The following GAS2 variants were observed in gnomAD, a reference collection of about 807,000 sequenced individuals.
GAS2 encodes growth arrest specific 2.
A neutral mutation model predicts 37.5 loss-of-function variants in GAS2; 20 were observed. The observed-to-expected ratio is 0.53, with a 90% confidence interval of 0.37 to 0.77. The LOEUF (loss-of-function observed/expected upper bound fraction) is 0.77, where lower values mean the gene tolerates loss of function less well. Among genes scored for constraint, GAS2 ranks in the 30% least tolerant of loss-of-function variants. GAS2 has a pLI of 0.00. For missense variants in GAS2, 336 were observed against 373.4 expected, an observed-to-expected ratio of 0.90 and a Z score of 0.82; for synonymous variants, 144 against 132.2, an observed-to-expected ratio of 1.09 and a Z score of -0.61.
chr11:22,772,057 G>A lies in GAS2; in HGVS notation c.723+16104G>A, dbSNP rs919634144. 5.9e-5 allele frequency among the ~76,000 whole-genome samples: 9 copies of A among 152,212 alleles called. No individual in the cohort carries two copies. In the South Asian group the frequency reaches 1.5e-3, roughly 25 times the overall value. On this transcript the variant is annotated intron_variant, in intron 7 of 7. Transcript: ENST00000454584. ...TACTTCTAAAATTCCTTCAACAGAC[G>A]TGCAAATGTGTCATACAAGATACAA...
At chr11:22,690,963 G>C (rs568802643) in intron 3 of GAS2, among the ~76,000 whole-genome samples, 58 of 152,240 alleles carry the variant, frequency 3.8e-4, no homozygotes, top group African/African-American at 1.4e-3. Flanking sequence ...CATTCAAAAG[G>C]TTTAACCTCT....
At chr11:22,735,322 T>G (rs1348544780) in intron 4 of GAS2, among the ~76,000 whole-genome samples, 1 of 151,426 alleles carries the variant, frequency 6.6e-6, no homozygotes, top group Non-Finnish European at 1.5e-5. Context: ...AGATGTGCTT[T>G]AAAAGCAATT....
At chr11:22,755,292 G>A (rs1853964544) in intron 6 of GAS2, among the ~76,000 whole-genome samples, 1 of 151,694 alleles carries the variant, frequency 6.6e-6, no homozygotes, top group African/African-American at 2.4e-5. Context: ...TGAGTTGCAG[G>A]GTAAATCTGA....
chr11:22,626,137 G>C (rs561044208), intron 1 of GAS2: 84 of 395,596 alleles, frequency 2.1e-4, no homozygotes, highest in African/African-American at 1.6e-3. Context: ...TCCTTAAGTA[G>C]AAATTTTCTG....
intron 1 of GAS2, among the ~76,000 whole-genome samples, chr11:22,633,895 T>C (rs1396238960): frequency 6.6e-6 from 1 of 152,200 alleles, no homozygotes; most frequent in Non-Finnish European, 1.5e-5. Flanking sequence ...GCACTCCTCC[T>C]GTGGGGATGC....
At chr11:22,761,350 C>CAG (rs1854383695) in intron 7 of GAS2, among the ~76,000 whole-genome samples, 1 of 152,118 alleles carries the variant, frequency 6.6e-6, no homozygotes, top group Non-Finnish European at 1.5e-5. Flanking sequence ...GTGAATAGAA[C>CAG]ATCTATGTGA....
Position 22,749,127 on chromosome 11 carries a change from G to A in GAS2, c.481G>A (p.Val161Met). ...ELGRIAARYG[V>M]EPPGLIKLEK... ...TCCAGGGTCTTTTTAAAGGTATGGT[G>A]TGGAGCCTCCTGGTTTGATAAAGCT... Residue 161 changes from valine (V) to methionine (M), a missense_variant, in exon 6 of 8, where the codon GTG (valine) becomes ATG (methionine). Physicochemically the swap from Val to Met is conservative, Grantham distance 21. Coordinates refer to ENST00000454584, the MANE Select transcript of GAS2 (RefSeq NM_001143830.3). 1.2e-6 allele frequency: 2 copies of A among 1,611,826 alleles called. No homozygotes were observed. The highest frequency in any genetic ancestry group is 1.7e-6 in the Non-Finnish European group (2 of 1,178,786).
chr11:22,646,398 C>G (rs1326754621), intron 1 of GAS2, among the ~76,000 whole-genome samples: 4 of 152,126 alleles, frequency 2.6e-5, no homozygotes, highest in African/African-American at 9.7e-5. Flanking sequence ...GCCAAATTTT[C>G]CCTTTTTATG....
At chr11:22,763,018 C>T (rs928156094) in intron 7 of GAS2, among the ~76,000 whole-genome samples, 2 of 152,082 alleles carry the variant, frequency 1.3e-5, no homozygotes, top group African/African-American at 4.8e-5. Flanking sequence ...ACTGATGCTC[C>T]AGTGGCTTAA....
intron 4 of GAS2, among the ~76,000 whole-genome samples, chr11:22,734,612 A>G (rs569065358): frequency 1.1e-4 from 16 of 151,730 alleles, no homozygotes; most frequent in Non-Finnish European, 2.1e-4. Context: ...AGAAAAAAAT[A>G]TAAAACTATC....
chr11:22,653,573 CATTT>C (rs1848822324), intron 1 of GAS2, among the ~76,000 whole-genome samples: 1 of 152,080 alleles, frequency 6.6e-6, no homozygotes, highest in African/African-American at 2.4e-5. Context: ...GGAAATAATC[CATTT>C]ATTCTTTCAA....
At chr11:22,662,975 T>G (rs1050982738), upstream of GAS2, among the ~76,000 whole-genome samples, 1 of 152,120 alleles carries the variant, frequency 6.6e-6, no homozygotes, top group African/African-American at 2.4e-5. Context: ...TGAGACTGGG[T>G]CATTTATAAA....
chr11:22,731,299 G>T, intron 4 of GAS2: 1 of 434,438 alleles, frequency 2.3e-6, no homozygotes, highest in South Asian at 1.7e-5. Flanking sequence ...CTATAATTGT[G>T]TCAATATCAT....
At chr11:22,800,153 A>T (rs1856600153) in intron 7 of GAS2, among the ~76,000 whole-genome samples, 2 of 152,116 alleles carry the variant, frequency 1.3e-5, no homozygotes, top group African/African-American at 4.8e-5. Context: ...GTAAGAAAGA[A>T]TGTGGGAAAA....
chr11:22,781,080 A>G (rs369536597), intron 7 of GAS2, among the ~76,000 whole-genome samples: 1 of 152,200 alleles, frequency 6.6e-6, no homozygotes, highest in Non-Finnish European at 1.5e-5. Context: ...AAAAAAGCAG[A>G]TCAGAGTAGA....
intron 3 of GAS2, among the ~76,000 whole-genome samples, chr11:22,704,944 C>T (rs1012013698): frequency 4.6e-5 from 7 of 151,896 alleles, no homozygotes; most frequent in African/African-American, 1.7e-4. Flanking sequence ...TAATTAATGC[C>T]ATGTGATATG....
intron 4 of GAS2, among the ~76,000 whole-genome samples, chr11:22,730,909 ATAATT>A (rs1013111188): frequency 1.1e-4 from 17 of 151,970 alleles, no homozygotes; most frequent in African/African-American, 4.1e-4. Context: ...ATTTAAATAA[ATAATT>A]TAACCACGTT....
chr11:22,810,989 T>G (rs1410626738), intron 7 of GAS2, among the ~76,000 whole-genome samples: 1 of 152,202 alleles, frequency 6.6e-6, no homozygotes, highest in Non-Finnish European at 1.5e-5. Context: ...GGGTCTTTGA[T>G]GATCATGCAA....
intron 7 of GAS2, among the ~76,000 whole-genome samples, chr11:22,781,094 A>G (rs1855536788): frequency 6.6e-6 from 1 of 152,238 alleles, no homozygotes; most frequent in Non-Finnish European, 1.5e-5. Flanking sequence ...GAGTAGAGGC[A>G]GACAATTTGC....
Sources: allele counts gnomAD v4.1 joint callset (sites outside exome capture counted in the v4.1 genomes callset), GRCh38; gene constraint gnomAD v4.1.1; transcripts MANE v1.5; gene names NCBI Gene and HGNC (gene_info 2026-07-23, HGNC 2026-07-21).